The following MBNL2 variants were observed in gnomAD, a reference collection of about 807,000 sequenced individuals.
The protein encoded by MBNL2 is muscleblind-like protein 2.
MBNL2 carries 17 observed loss-of-function variants against 41.9 expected under a neutral mutation model. The ratio of observed to expected loss-of-function variants is 0.41; its 90% CI spans 0.28 to 0.61. MBNL2 has a LOEUF of 0.61. MBNL2 is among the 20% of genes least tolerant of loss of function. MBNL2 has a pLI of 0.35. For missense variants in MBNL2, 336 were observed against 505.6 expected, an observed-to-expected ratio of 0.66 and a Z score of 3.22; for synonymous variants, 195 against 182.9, an observed-to-expected ratio of 1.07 and a Z score of -0.53.
intron 1 of MBNL2, among the ~76,000 whole-genome samples, chr13:97,257,241 C>A (rs1015736987): frequency 1.3e-5 from 2 of 151,584 alleles, no homozygotes; most frequent in African/African-American, 2.4e-5. Context: ...GAGGTCAGAC[C>A]AGTTTAAGGA....
At chr13:97,166,118 C>T in the MBNL2 span, among the ~76,000 whole-genome samples, 1 of 152,172 alleles carries the variant, frequency 6.6e-6, no homozygotes, top group African/African-American at 2.4e-5. Context: ...GTATGAGTCT[C>T]TTTGGAATAT....
In MBNL2 at chr13:97,365,179, T is replaced by G. The variant is rs768206183; in HGVS notation, c.1048+8T>G. On this transcript the variant is annotated splice_region_variant and intron_variant, in intron 8 of 8. Transcript: ENST00000679496. ...CACCCGCTACCAGTATTGGTAGGTT[T>G]CAACCTTTTTTATTTGTCTTTTATA... The G allele has an allele frequency of 6.3e-7, 1 of 1,587,766 alleles. No individual in the cohort carries two copies. Among genetic ancestry groups the G allele is most frequent in the East Asian group, 2.2e-5 (1 of 44,772 alleles).
rs568068377 is a variant in MBNL2, at chr13:97,312,430, CTCTAT to C, written c.175-21841_175-21837del. ...TTTCTCATGAAGTCTGTTATTTTCT[CTCTAT>C]TCTAACATCCTCTTTTACTGGAGGT... is the stretch of plus-strand genomic sequence containing the variant. On this transcript the variant is annotated intron_variant, in intron 2 of 8. Transcript: ENST00000679496. 9.2e-5 allele frequency among the ~76,000 whole-genome samples: 14 copies of C among 152,198 alleles called. No individual in the cohort carries two copies. The East Asian group carries it at 2.7e-3, about 29-fold the overall frequency.
chr13:97,294,271 A>G (rs2056673531), intron 2 of MBNL2, among the ~76,000 whole-genome samples: 2 of 152,220 alleles, frequency 1.3e-5, no homozygotes, highest in South Asian at 2.1e-4. Context: ...ACTCTGTTCA[A>G]TATTGTGCCA....
intron 1 of MBNL2, among the ~76,000 whole-genome samples, chr13:97,232,890 T>TGTGC (rs1491513676): frequency 0.02 from 2,670 of 134,512 alleles, 64 homozygotes; most frequent in African/African-American, 0.044. Context: ...TGTGTGTGTG[T>TGTGC]GCGCACGTAC....
At chr13:97,343,853 C>T (rs994475412) in intron 4 of MBNL2, among the ~76,000 whole-genome samples, 2 of 152,226 alleles carry the variant, frequency 1.3e-5, no homozygotes, top group Admixed American at 1.3e-4. Context: ...GTTGCCCAGG[C>T]TGGAGTGCAA....
chr13:97,169,353 T>C, the MBNL2 span, among the ~76,000 whole-genome samples: 1 of 152,084 alleles, frequency 6.6e-6, no homozygotes, highest in Non-Finnish European at 1.5e-5. Flanking sequence ...AATAATGCAA[T>C]AGTGTTTCAG....
At chr13:97,249,081 A>C (rs1049640743) in intron 1 of MBNL2, among the ~76,000 whole-genome samples, 1 of 152,220 alleles carries the variant, frequency 6.6e-6, no homozygotes, top group Non-Finnish European at 1.5e-5. Context: ...CTTAGTTTTT[A>C]AAAACACATA....
the MBNL2 span, among the ~76,000 whole-genome samples, chr13:97,164,664 T>C: frequency 1.3e-5 from 2 of 152,140 alleles, no homozygotes; most frequent in Admixed American, 1.3e-4. Flanking sequence ...GTTTATATTA[T>C]CCTTTAAGAC....
At chr13:97,307,619 G>T (rs1164140786) in intron 2 of MBNL2, among the ~76,000 whole-genome samples, 1 of 152,180 alleles carries the variant, frequency 6.6e-6, no homozygotes, top group Non-Finnish European at 1.5e-5. Context: ...AAGCTCCCTT[G>T]TGCAGATTTG....
intron 8 of MBNL2, among the ~76,000 whole-genome samples, chr13:97,380,821 G>A (rs1023206748): frequency 7.2e-5 from 11 of 152,026 alleles, no homozygotes; most frequent in Admixed American, 1.3e-4. Flanking sequence ...CCATTTTGCC[G>A]ACGATTGGCT....
Position 97,343,135 on chromosome 13 carries a change from T to C in MBNL2, c.459T>C (p.Pro153=). 1 of 1,614,056 alleles carries C rather than the reference T, an allele frequency of 6.2e-7. No individual in the cohort carries two copies. Among genetic ancestry groups the C allele is most frequent in the African/African-American group, 1.3e-5 (1 of 75,022 alleles). ...LVPTEILPTT[P]VIVPGSPPVT... ...CAACGGAAATTCTGCCCACCACGCC[T>C]GTTATTGTTCCCGGAAGTCCACCGG... Residue 153 remains proline (P), a synonymous_variant, in exon 4 of 9, where the codon CCT becomes CCC. Transcript: ENST00000679496.
chr13:97,392,595 A>T lies in MBNL2; in HGVS notation c.*1146A>T, dbSNP rs1001148789. On this transcript the variant is annotated 3_prime_UTR_variant, in exon 9 of 9. Transcript: ENST00000679496. Reference sequence around the variant, plus strand: ...ATACACATACATATATATACTATATATGGATGAAACATATTTTAATGTTGT... The same window carrying T: ...ATACACATACATATATATACTATATTTGGATGAAACATATTTTAATGTTGT... The T allele has an allele frequency of 6.6e-6, 1 of 152,400 alleles. No individual in the cohort carries two copies. The highest frequency in any genetic ancestry group is 1.5e-5 in the Non-Finnish European group (1 of 67,960). The allele number at this position is 152,400 out of a possible 1,614,324, so 9.4% of individuals were successfully genotyped here.
At position 97,350,126 on chromosome 13, in the gene MBNL2, T is replaced by C. The variant is rs368530792; in HGVS notation, c.804+3059T>C. 9.8e-5 allele frequency among the ~76,000 whole-genome samples: 15 copies of C among 152,332 alleles called. No individual in the cohort carries two copies. In the East Asian group the frequency reaches 1.7e-3, roughly 18 times the overall value. ...CACTGCAATGAAGCGAGTATCACAA[T>C]AGAACAAATCACATGAATTTTTTGG... On this transcript the variant is annotated intron_variant, in intron 5 of 8. Transcript: ENST00000679496.
At chr13:97,295,207 T>C (rs1417263343) in intron 2 of MBNL2, among the ~76,000 whole-genome samples, 1 of 152,178 alleles carries the variant, frequency 6.6e-6, no homozygotes, top group East Asian at 1.9e-4. Context: ...GGAAGACACA[T>C]CTTTGTTCAA....
At chr13:97,167,964 T>G in the MBNL2 span, among the ~76,000 whole-genome samples, 169 of 152,276 alleles carry the variant, frequency 1.1e-3, no homozygotes, top group Non-Finnish European at 1.8e-3. Flanking sequence ...TGTTTGGAGA[T>G]ATATATATAT....
At chr13:97,260,866 A>G (rs764680103) in intron 1 of MBNL2, among the ~76,000 whole-genome samples, 19 of 151,616 alleles carry the variant, frequency 1.3e-4, no homozygotes, top group Non-Finnish European at 2.5e-4. Flanking sequence ...TTTTTTTTTT[A>G]AATTAGCACA....
At chr13:97,157,303 A>G in the MBNL2 span, among the ~76,000 whole-genome samples, 19 of 145,038 alleles carry the variant, frequency 1.3e-4, no homozygotes, top group Admixed American at 3.5e-4. Context: ...GGCTGAGACA[A>G]TGGGGTTTTC....
intron 2 of MBNL2, among the ~76,000 whole-genome samples, chr13:97,330,260 ATG>A (rs1424248605): frequency 6.6e-6 from 1 of 152,210 alleles, no homozygotes; most frequent in East Asian, 1.9e-4. Context: ...CTGAGGGCTT[ATG>A]TGACCCATGA....
Sources: allele counts gnomAD v4.1 joint callset (sites outside exome capture counted in the v4.1 genomes callset), GRCh38; gene constraint gnomAD v4.1.1; transcripts MANE v1.5; gene names NCBI Gene and HGNC (gene_info 2026-07-23, HGNC 2026-07-21).